The following CTTNBP2 variants were observed in gnomAD, a reference collection of about 807,000 sequenced individuals.
CTTNBP2 encodes the protein cortactin binding protein 2.
A neutral mutation model predicts 156.9 loss-of-function variants in CTTNBP2; 108 were observed. That is an observed-to-expected ratio of 0.69 (90% CI 0.59 to 0.81). The LOEUF is 0.81. Ranked by LOEUF, CTTNBP2 falls within the 30% of genes least tolerant of loss-of-function variation. The pLI is 0.00. For synonymous variants in CTTNBP2, 767 were observed against 751.8 expected (o/e 1.02, Z -0.33); for missense variants, 1,924 against 2,035.4 (o/e 0.95, Z 1.05).
chr7:117,801,678 C>A (rs1799612146), intron 3 of CTTNBP2, among the ~76,000 whole-genome samples: 1 of 151,970 alleles, frequency 6.6e-6, no homozygotes. Context: ...GAGTAAAAAA[C>A]CATATGTCTT....
At chr7:117,749,056 G>C (rs908065786) in intron 12 of CTTNBP2, among the ~76,000 whole-genome samples, 2 of 152,206 alleles carry the variant, frequency 1.3e-5, no homozygotes. Context: ...ATACATTTCT[G>C]TTGTTTGTAA....
intron 2 of CTTNBP2, among the ~76,000 whole-genome samples, chr7:117,856,472 T>A (rs1803325792): frequency 1.3e-5 from 2 of 152,196 alleles, no homozygotes; most frequent in African/African-American, 4.8e-5. Context: ...TTATGTTGAG[T>A]CTCTTTCTTA....
At chr7:117,718,824 C>CTGAT (rs1031709742) in intron 21 of CTTNBP2, among the ~76,000 whole-genome samples, 4 of 152,146 alleles carry the variant, frequency 2.6e-5, no homozygotes, top group South Asian at 2.1e-4. Flanking sequence ...AATTTTCTTA[C>CTGAT]TGATAGATGA....
chr7:117,732,523 G>A (rs1336907312), intron 16 of CTTNBP2, among the ~76,000 whole-genome samples: 5 of 151,636 alleles, frequency 3.3e-5, no homozygotes, highest in African/African-American at 9.7e-5. Flanking sequence ...GGTGGCGGGC[G>A]CCTGTAGTTC....
intron 2 of CTTNBP2, among the ~76,000 whole-genome samples, chr7:117,832,737 CTTTTTTTTTTT>C (rs927988376): frequency 7.1e-5 from 8 of 112,976 alleles, no homozygotes; most frequent in South Asian, 2.8e-4. Context: ...ATTCATCAAC[CTTTTTTTTTTT>C]TTTTTTTTTT....
chr7:117,859,620 CAT>C (rs1803578037), intron 2 of CTTNBP2, among the ~76,000 whole-genome samples: 1 of 152,234 alleles, frequency 6.6e-6, no homozygotes, highest in South Asian at 2.1e-4. Flanking sequence ...CTAAGGGTCA[CAT>C]ATGTTAGTTA....
intron 1 of CTTNBP2, 118 bp from the exon 2 acceptor site, chr7:117,861,434 C>T (rs1207032091): frequency 8.9e-6 from 6 of 673,828 alleles, no homozygotes; most frequent in African/African-American, 1.8e-5. Flanking sequence ...CAGCAGGCAC[C>T]GGGGTACTAT....
At chr7:117,717,181 CTGTAGTCATGGAAGCTA>C (rs938687991) in intron 22 of CTTNBP2, among the ~76,000 whole-genome samples, 4 of 152,148 alleles carry the variant, frequency 2.6e-5, no homozygotes, top group Non-Finnish European at 5.9e-5. Flanking sequence ...TGGTGCAGTG[CTGTAGTCATGGAAGCTA>C]TTTCAAAAGG....
intron 17 of CTTNBP2, 40 bp downstream of exon 17, chr7:117,728,049 C>G (rs376811345): frequency 1.2e-5 from 19 of 1,578,030 alleles, no homozygotes; most frequent in Non-Finnish European, 1.6e-5. Context: ...TTGGCCACGT[C>G]TCTATCATAA....
chr7:117,803,278 A>T (rs1301408363), intron 3 of CTTNBP2, among the ~76,000 whole-genome samples: 1 of 152,240 alleles, frequency 6.6e-6, no homozygotes, highest in Admixed American at 6.5e-5. Context: ...ATTCTAAGTG[A>T]ACTAATGCAA....
chr7:117,773,940 C>G (rs1797954548), intron 8 of CTTNBP2, among the ~76,000 whole-genome samples: 1 of 152,106 alleles, frequency 6.6e-6, no homozygotes. Context: ...AAAATTCATG[C>G]AGTCCCCCCA....
chr7:117,725,332 G>C, intron 17 of CTTNBP2, 75 bp from the exon 18 acceptor site: 1 of 1,346,670 alleles, frequency 7.4e-7, no homozygotes, highest in East Asian at 2.3e-5. Flanking sequence ...TGAAAGGACA[G>C]TTTGAAGACT....
chr7:117,858,531 T>C (rs539521689), intron 2 of CTTNBP2, among the ~76,000 whole-genome samples: 6 of 152,192 alleles, frequency 3.9e-5, no homozygotes, highest in East Asian at 1.9e-4. Flanking sequence ...ATTTTATCTA[T>C]AAAAAAAGGA....
At chr7:117,734,296 A>G (rs1310140009) in intron 16 of CTTNBP2, among the ~76,000 whole-genome samples, 2 of 152,234 alleles carry the variant, frequency 1.3e-5, no homozygotes, top group Non-Finnish European at 2.9e-5. Context: ...ATTAAATGAG[A>G]AAATCTTACT....
intron 2 of CTTNBP2, among the ~76,000 whole-genome samples, chr7:117,860,607 T>G (rs957892285): frequency 6.6e-6 from 1 of 152,172 alleles, no homozygotes; most frequent in African/African-American, 2.4e-5. Context: ...CCTCCCAAAG[T>G]GCTGGGATTC....
chr7:117,779,624 T>C (rs1463710435), intron 7 of CTTNBP2, among the ~76,000 whole-genome samples: 2 of 151,922 alleles, frequency 1.3e-5, no homozygotes, highest in Non-Finnish European at 2.9e-5. Context: ...ATGAAAAATA[T>C]AAAACTGTTT....
chr7:117,734,811 C>A (rs917723720), intron 16 of CTTNBP2, 102 bp downstream of exon 16: 13 of 873,158 alleles, frequency 1.5e-5, no homozygotes, highest in Non-Finnish European at 5.1e-6. Context: ...GCTGTACCTG[C>A]CCAAGGCTGC....
chr7:117,842,925 C>T (rs1802361649), intron 2 of CTTNBP2, among the ~76,000 whole-genome samples: 1 of 152,080 alleles, frequency 6.6e-6, no homozygotes, highest in South Asian at 2.1e-4. Context: ...AGCTTACATT[C>T]TAGTAGGAAA....
At position 117,725,147 on chromosome 7, in the gene CTTNBP2, C is replaced by T. The variant is rs763260760; in HGVS notation, c.4166G>A (p.Arg1389Lys). Residue 1389 changes from arginine (R) to lysine (K), a missense_variant, in exon 18 of 23, where the codon AGA becomes AAA. Physicochemically the swap from Arg to Lys is conservative, Grantham distance 26. Coordinates refer to ENST00000160373, the MANE Select transcript of CTTNBP2 (RefSeq NM_033427.3). Reference protein sequence around the residue: ...QPGFGQTTAKRHPSQGQQAVV... With the variant: ...QPGFGQTTAKKHPSQGQQAVV... ...AGCCTGCTGTCCTTGGCTAGGGTGT[C>T]TTTTAGCAGTTGTCTGCCCAAAGCC... The T allele has an allele frequency of 1.2e-6, 2 of 1,613,546 alleles. No individual in the cohort carries two copies. Among genetic ancestry groups the T allele is most frequent in the African/African-American group, 1.3e-5 (1 of 74,922 alleles).
Sources: gnomAD v4.1 joint callset for allele counts (sites outside exome capture counted in the v4.1 genomes callset) on GRCh38, gnomAD v4.1.1 for gene constraint, MANE v1.5 for transcripts, NCBI Gene and HGNC (gene_info 2026-07-23, HGNC 2026-07-21) for gene names.